Variants in RING1 observed in about 807,000 individuals in gnomAD.
RING1 encodes the protein E3 ubiquitin-protein ligase RING1.
Under a neutral mutation model 35.0 loss-of-function variants are expected in RING1, and 8 were observed. The observed-to-expected ratio is 0.23, with a 90% CI of 0.13 to 0.41. The LOEUF (loss-of-function observed/expected upper bound fraction) is 0.41. Ranked by LOEUF, RING1 falls within the 10% of genes least tolerant of loss-of-function variation. The probability of loss-of-function intolerance (pLI) is 1.00; values close to 1 mark genes in which losing one functional copy is unlikely to be tolerated. For missense variants in RING1, 343 were observed against 546.8 expected (o/e 0.63, Z 3.72); for synonymous variants, 214 against 224.3 (o/e 0.95, Z 0.41).
rs765840860 is a variant in RING1 at position 33,211,892 on chromosome 6, G to T, written c.1009G>T (p.Gly337Trp). 1 of 1,605,828 alleles carries T rather than the reference G, an allele frequency of 6.2e-7. No individual in the cohort carries two copies. Among genetic ancestry groups the T allele is most frequent in the South Asian group, 1.1e-5 (1 of 90,464 alleles). Residue 337 changes from glycine (G) to tryptophan (W), a missense_variant, in exon 6 of 7, where the codon GGG becomes TGG. Physicochemically the swap from Gly to Trp is radical, Grantham distance 184 (BLOSUM62 -2). Transcript: ENST00000374656. The surrounding 1 kb of genome is among the most constrained non-coding windows in gnomAD (Gnocchi z 6.3). ...GGPDGCGGEG[G>W]GAGGGDGPEE... ...ACCTGATGGGTGTGGCGGGGAGGGT[G>T]GGGGTGCCGGAGGAGGTGACGGTCC... is the stretch of plus-strand genomic sequence containing the variant.
In RING1 at chr6:33,212,414, A is replaced by T. The variant is rs1418614726; in HGVS notation, c.*15A>T. Reference sequence around the variant, plus strand: ...ATCCAAAGTGACCCCACCAGGGGACAGCCAGAGGAAGGGGACCATGGGGTA... The same window carrying T: ...ATCCAAAGTGACCCCACCAGGGGACTGCCAGAGGAAGGGGACCATGGGGTA... On this transcript the variant is annotated 3_prime_UTR_variant, in exon 7 of 7. Transcript: ENST00000374656. The T allele has an allele frequency of 6.5e-7, 1 of 1,530,278 alleles. No individual in the cohort carries two copies. The highest frequency in any genetic ancestry group is 1.2e-5 in the South Asian group (1 of 84,556). The allele number at this position is 1,530,278 out of a possible 1,614,324, so 94.8% of individuals were successfully genotyped here.
Position 33,211,212 on chromosome 6 carries a change from T to G in RING1, c.510T>G (p.Ser170Arg). 2 of 1,610,900 alleles carry G rather than the reference T, an allele frequency of 1.2e-6. No homozygotes were observed. The highest frequency in any genetic ancestry group is 1.7e-6 in the Non-Finnish European group (2 of 1,179,380). The part of the protein sequence containing the change: ...IPGSDQTTTM[S>R]GGEGEPGEGE... Reference sequence around the variant, plus strand: ...GGTCAGATCAGACCACAACGATGAGTGGGGGGGAAGGAGAGCCCGGGGAGG... The same window carrying G: ...GGTCAGATCAGACCACAACGATGAGGGGGGGGGAAGGAGAGCCCGGGGAGG... Residue 170 changes from serine (S) to arginine (R), a missense_variant, in exon 5 of 7, where the codon AGT becomes AGG. Physicochemically the swap from Ser to Arg is moderately radical, Grantham distance 110. Transcript: ENST00000374656. This position sits in a 1 kb window ranked among gnomAD's most constrained non-coding sequence, Gnocchi z 6.3.
rs1361187529 is a variant in RING1, at chr6:33,211,853, T to A, written c.970T>A (p.Ser324Thr). 8 of 1,609,692 alleles carry A rather than the reference T, an allele frequency of 5.0e-6. No individual in the cohort carries two copies. Among genetic ancestry groups the A allele is most frequent in the Non-Finnish European group, 6.8e-6 (8 of 1,178,100 alleles). Residue 324 changes from serine to threonine, a missense_variant, in exon 6 of 7, where the codon TCT becomes ACT. By Grantham distance (58) the Ser-to-Thr change is moderately conservative. Transcript: ENST00000374656. This position sits in a 1 kb window ranked among gnomAD's most constrained non-coding sequence, Gnocchi z 6.3. ...GCCAGGAGGGCCTGGAGGGGGCGCC[T>A]CTGACACCGGAGGACCTGATGGGTG... is the stretch of plus-strand genomic sequence containing the variant. ...GEPGGPGGGA[S>T]DTGGPDGCGG...
Position 33,211,633 on chromosome 6 carries a change from A to G in RING1, c.845+86A>G. ...GAAGTGGGCTTTGCCCAAACCCAAAATACCACCCCAACCCAGAATCCATTT... is the reference window on the plus strand; with the variant it reads ...GAAGTGGGCTTTGCCCAAACCCAAAGTACCACCCCAACCCAGAATCCATTT... On this transcript the variant is annotated intron_variant, in intron 5 of 6. Transcript: ENST00000374656. The surrounding 1 kb of genome is among the most constrained non-coding windows in gnomAD (Gnocchi z 6.3). The G allele has an allele frequency of 6.4e-7, 1 of 1,556,308 alleles. No individual in the cohort carries two copies. The highest frequency in any genetic ancestry group is 1.2e-5 in the South Asian group (1 of 82,240).
intron 4 of RING1, among the ~76,000 whole-genome samples, chr6:33,210,371 T>C (rs1775436402): frequency 6.6e-6 from 1 of 152,068 alleles, no homozygotes; most frequent in Non-Finnish European, 1.5e-5. Flanking sequence ...GAGGTGAGGA[T>C]GGGAGGATCA....
Position 33,208,601 on chromosome 6 carries a change from G to T in RING1, c.-102G>T, listed in dbSNP as rs544111297. 19 of 532,492 alleles carry T rather than the reference G, an allele frequency of 3.6e-5. No individual in the cohort carries two copies. The allele number at this position is 532,492 out of a possible 1,614,324, so 33.0% of individuals were successfully genotyped here. ...AACTTGGCCCAGGAGCCCGGGCCTA[G>T]GGAGAGGCGCGGCGGCGGCGGGAGC... On this transcript the variant is annotated 5_prime_UTR_variant, in exon 1 of 7. It adds an upstream start codon to the 5' untranslated region. Coordinates refer to ENST00000374656, the MANE Select transcript of RING1 (RefSeq NM_002931.4). This position sits in a 1 kb window ranked among gnomAD's most constrained non-coding sequence, Gnocchi z 6.2.
chr6:33,212,318 C>A lies in RING1; in HGVS notation c.1140C>A (p.Thr380=). Residue 380 remains threonine (T), a synonymous_variant, in exon 7 of 7, where the codon ACC becomes ACA. Transcript: ENST00000374656. ...CTCAGACGTTGAATGGCTCGCTGAC[C>A]CTGGAGCTGGTGAATGAGAAATTCT... ...GAFTTLNGSL[T]LELVNEKFWK... 1 of 1,590,118 alleles carries A rather than the reference C, an allele frequency of 6.3e-7. No homozygotes were observed. The highest frequency in any genetic ancestry group is 8.6e-7 in the Non-Finnish European group (1 of 1,168,274).
At chr6:33,210,627 A>G (rs898681134) in intron 4 of RING1, among the ~76,000 whole-genome samples, 4 of 152,050 alleles carry the variant, frequency 2.6e-5, no homozygotes, top group African/African-American at 9.6e-5. Flanking sequence ...AAAAAAAAAA[A>G]GGAAAAATGT....
chr6:33,211,147 T>TG lies in RING1; in HGVS notation c.456-10dup, dbSNP rs1396469727. 1 of 1,577,328 alleles carries TG rather than the reference T, an allele frequency of 6.3e-7. No homozygotes were observed. Among genetic ancestry groups the TG allele is most frequent in the Non-Finnish European group, 8.6e-7 (1 of 1,157,014 alleles). On this transcript the variant is annotated splice_polypyrimidine_tract_variant and intron_variant, in intron 4 of 6. Coordinates refer to ENST00000374656, the MANE Select transcript of RING1 (RefSeq NM_002931.4). The surrounding 1 kb of genome is among the most constrained non-coding windows in gnomAD (Gnocchi z 6.3). ...TGGATGCCTTCTAACCTTAACCACT[T>TG]GCTTCTACAGGGCCCAGCGTGTGAG...
Position 33,209,092 on chromosome 6 carries a change from G to A in RING1, c.78+192G>A. On this transcript the variant is annotated intron_variant, in intron 2 of 6. Transcript: ENST00000374656. This position sits in a 1 kb window ranked among gnomAD's most constrained non-coding sequence, Gnocchi z 5.1. ...TCCTCAAAACAGCCCTGCCAGAGAG[G>A]TGGAACAAGTATTATTATCTTCATT... 1 of 705,470 alleles carries A rather than the reference G, an allele frequency of 1.4e-6. No homozygotes were observed. The highest frequency in any genetic ancestry group is 2.7e-5 in the East Asian group (1 of 37,252). 43.7% of individuals were successfully genotyped at this position (705,470 alleles called of 1,614,324 possible).
Position 33,210,614 on chromosome 6 carries a change from CAAAAAAAAA to C in RING1, c.455+489_455+497del, listed in dbSNP as rs746713399. Among the ~76,000 whole-genome samples the C allele has an allele frequency of 3.4e-5, 4 of 116,666 alleles. No individual in the cohort carries two copies. The Admixed American group carries it at 3.5e-4, about 10-fold the overall frequency. The allele number at this position is 116,666 out of a possible 152,430, so 76.5% of individuals were successfully genotyped here. On this transcript the variant is annotated intron_variant, in intron 4 of 6. Transcript: ENST00000374656. ...TGGGCGACAGAACAAGGCCCTGTCA[CAAAAAAAAA>C]AAAAGGAAAAATGTAGTTTACCCCA...
Position 33,208,679 on chromosome 6 carries a change from G to A in RING1, c.-59+35G>A. On this transcript the variant is annotated intron_variant, in intron 1 of 6. Coordinates refer to ENST00000374656, the MANE Select transcript of RING1 (RefSeq NM_002931.4). The surrounding 1 kb of genome is among the most constrained non-coding windows in gnomAD (Gnocchi z 6.2). ...AGTGCCGGCGCGGGGGCGGGAGCGG[G>A]GGCGGAGAGGGGCGCTTCTGGAGGG... 1.5e-6 allele frequency: 1 copy of A among 646,184 alleles called. No homozygotes were observed. Among genetic ancestry groups the A allele is most frequent in the Non-Finnish European group, 2.6e-6 (1 of 391,658 alleles). 40.0% of individuals were successfully genotyped at this position (646,184 alleles called of 1,614,324 possible). A position where few individuals can be genotyped will look rare whatever the true frequency, so the allele number is the denominator to read the frequency against.
intron 6 of RING1, 77 bp downstream of exon 6, chr6:33,212,079 G>C: frequency 8.4e-7 from 1 of 1,185,902 alleles, no homozygotes; most frequent in Non-Finnish European, 1.2e-6. Context: ...CCATGAGCCT[G>C]GTCTAACTCA....
chr6:33,209,267 C>G lies in RING1; in HGVS notation c.79-359C>G. On this transcript the variant is annotated intron_variant, in intron 2 of 6. Transcript: ENST00000374656. The surrounding 1 kb of genome is among the most constrained non-coding windows in gnomAD (Gnocchi z 5.1). ...CAGTAGTGAATTGGGTTCTCAGAAT[C>G]TGAATTTTTAACAGGCACCCTATGG... is the stretch of plus-strand genomic sequence containing the variant. The G allele has an allele frequency of 1.8e-6, 1 of 562,052 alleles. No homozygotes were observed. Among genetic ancestry groups the G allele is most frequent in the South Asian group, 2.0e-5 (1 of 50,494 alleles). 34.8% of individuals were successfully genotyped at this position (562,052 alleles called of 1,614,324 possible).
In RING1 at chr6:33,211,933, G is replaced by A; in HGVS notation, c.1050G>A (p.Leu350=). Residue 350 remains leucine (L), a synonymous_variant, in exon 6 of 7, where the codon TTG becomes TTA. Transcript: ENST00000374656. This position sits in a 1 kb window ranked among gnomAD's most constrained non-coding sequence, Gnocchi z 6.3. Reference sequence around the variant, plus strand: ...GTGACGGTCCTGAGGAGCCTGCTTTGCCCAGCCTGGAGGGCGTCAGTGAAA... The same window carrying A: ...GTGACGGTCCTGAGGAGCCTGCTTTACCCAGCCTGGAGGGCGTCAGTGAAA... ...GGGDGPEEPA[L]PSLEGVSEKQ... The A allele has an allele frequency of 6.3e-7, 1 of 1,595,274 alleles. No homozygotes were observed. Among genetic ancestry groups the A allele is most frequent in the Non-Finnish European group, 8.5e-7 (1 of 1,171,046 alleles).
Position 33,209,218 on chromosome 6 carries a change from T to G in RING1, c.78+318T>G. 1 of 603,440 alleles carries G rather than the reference T, an allele frequency of 1.7e-6. No individual in the cohort carries two copies. Among genetic ancestry groups the G allele is most frequent in the Non-Finnish European group, 3.0e-6 (1 of 331,484 alleles). The allele number at this position is 603,440 out of a possible 1,614,324, so 37.4% of individuals were successfully genotyped here. ...TTTGGGAGTTTATTAAAAGCAGAGC[T>G]TCATGCCCCCCAACATTCTGATTCA... On this transcript the variant is annotated intron_variant, in intron 2 of 6. Transcript: ENST00000374656. This position sits in a 1 kb window ranked among gnomAD's most constrained non-coding sequence, Gnocchi z 5.1.
At position 33,211,889 on chromosome 6, in the gene RING1, G is replaced by A; in HGVS notation, c.1006G>A (p.Gly336Ser). The change falls in exon 6 of 7, where the codon GGT (glycine) becomes AGT (serine). Residue 336 changes from glycine (G) to serine (S), a missense_variant. Physicochemically the swap from Gly to Ser is moderately conservative, Grantham distance 56 (BLOSUM62 0). Coordinates refer to ENST00000374656, the MANE Select transcript of RING1 (RefSeq NM_002931.4). The surrounding 1 kb of genome is among the most constrained non-coding windows in gnomAD (Gnocchi z 6.3). The stretch of plus-strand genomic sequence containing the variant: ...AGGACCTGATGGGTGTGGCGGGGAG[G>A]GTGGGGGTGCCGGAGGAGGTGACGG... The part of the protein sequence containing the change: ...TGGPDGCGGE[G>S]GGAGGGDGPE... 6.2e-7 allele frequency: 1 copy of A among 1,606,904 alleles called. No homozygotes were observed. Among genetic ancestry groups the A allele is most frequent in the South Asian group, 1.1e-5 (1 of 90,502 alleles).
chr6:33,209,584 C>G lies in RING1; in HGVS notation c.79-42C>G, dbSNP rs754377307. The G allele has an allele frequency of 3.2e-6, 5 of 1,581,754 alleles. No individual in the cohort carries two copies. In the African/African-American group the frequency reaches 6.8e-5, roughly 21 times the overall value. Reference sequence around the variant, plus strand: ...GGGCTGCTGTTTCTAAAACCCCTTTCCCTCTAACCCACACCACCTTTCTAC... The same window carrying G: ...GGGCTGCTGTTTCTAAAACCCCTTTGCCTCTAACCCACACCACCTTTCTAC... On this transcript the variant is annotated intron_variant, in intron 2 of 6. Coordinates refer to ENST00000374656, the MANE Select transcript of RING1 (RefSeq NM_002931.4). The surrounding 1 kb of genome is among the most constrained non-coding windows in gnomAD (Gnocchi z 5.1).
intron 4 of RING1, among the ~76,000 whole-genome samples, chr6:33,210,610 G>A (rs1360197433): frequency 2.0e-5 from 3 of 149,148 alleles, no homozygotes; most frequent in African/African-American, 7.4e-5. Flanking sequence ...ACAAGGCCCT[G>A]TCACAAAAAA....
Sources: gnomAD v4.1 joint callset for allele counts (sites outside exome capture counted in the v4.1 genomes callset) on GRCh38, gnomAD v4.1.1 for gene constraint, Gnocchi (gnomAD v3.1) non-coding constraint, MANE v1.5 for transcripts, NCBI Gene and HGNC (gene_info 2026-07-23, HGNC 2026-07-21) for gene names.